The following PPP6R2 variants were observed in gnomAD, a reference collection of about 807,000 sequenced individuals.
The protein encoded by PPP6R2 is protein phosphatase 6 regulatory subunit 2.
A neutral mutation model predicts 100.2 loss-of-function variants in PPP6R2; 62 were observed. The observed-to-expected ratio is 0.62, with a 90% CI of 0.50 to 0.76. The LOEUF (loss-of-function observed/expected upper bound fraction) is 0.76, where lower values mean the gene tolerates loss of function less well. Ranked by LOEUF, PPP6R2 falls within the 30% of genes least tolerant of loss-of-function variation. The probability of loss-of-function intolerance (pLI) is 0.00; values close to 1 mark genes in which losing one functional copy is unlikely to be tolerated. For missense variants in PPP6R2, 1,142 were observed against 1,276.3 expected, an observed-to-expected ratio of 0.89 and a Z score of 1.60; for synonymous variants, 525 against 514.7, an observed-to-expected ratio of 1.02 and a Z score of -0.27.
intron 22 of PPP6R2, chr22:50,443,665 T>C (rs2066381380): frequency 3.0e-6 from 2 of 668,860 alleles, no homozygotes; most frequent in South Asian, 2.0e-5. Flanking sequence ...AGGCAGCTTG[T>C]CCCAGTACTT....
intron 2 of PPP6R2, chr22:50,392,044 A>G (rs1199781188): frequency 6.6e-6 from 1 of 151,880 alleles, no homozygotes; most frequent in African/African-American, 2.4e-5. Context: ...AGTGCATTTC[A>G]GAGAGAGGAG....
In PPP6R2 at chr22:50,438,608, C is replaced by T. The variant is rs143086244; in HGVS notation, c.1974C>T (p.Ala658=). Residue 658 remains alanine (A), a synonymous_variant, in exon 19 of 24, where the codon GCC becomes GCT. Coordinates refer to ENST00000612753, the MANE Select transcript of PPP6R2 (RefSeq NM_001242898.2). ...ARVMARPRFG[A]PHASESCSKN... ...TCTGAATCTCCCCCAGGTTTGGAGCCCCCCATGCTTCAGAGAGTTGCTCAA... is the reference window on the plus strand; with the variant it reads ...TCTGAATCTCCCCCAGGTTTGGAGCTCCCCATGCTTCAGAGAGTTGCTCAA... The T allele has an allele frequency of 1.9e-4, 305 of 1,613,892 alleles. No individual in the cohort carries two copies. The African/African-American group carries it at 3.3e-3, about 17-fold the overall frequency.
chr22:50,337,773 TGTGTGTGTGG>T, the PPP6R2 span, among the ~76,000 whole-genome samples: 1 of 139,136 alleles, frequency 7.2e-6, no homozygotes, highest in African/African-American at 2.7e-5. Context: ...ATGTGTATGG[TGTGTGTGTGG>T]GTGTGTGTGT....
intron 3 of PPP6R2, among the ~76,000 whole-genome samples, chr22:50,394,465 G>A (rs1274682999): frequency 6.6e-6 from 1 of 151,796 alleles, no homozygotes; most frequent in African/African-American, 2.4e-5. Flanking sequence ...CAGATGTGGT[G>A]TTGTAGACCT....
rs1603350869 is a variant in PPP6R2 at position 50,423,324 on chromosome 22, TCCCTGAGGAACCC to T, written c.973-135_973-123del. On this transcript the variant is annotated intron_variant, in intron 9 of 23. Transcript: ENST00000612753. The surrounding 1 kb of genome is among the most constrained non-coding windows in gnomAD (Gnocchi z 4.8). The stretch of plus-strand genomic sequence containing the variant: ...CTTCATTTCTTCTGGCAGACGGCCC[TCCCTGAGGAACCC>T]CCACCACATACCTCGCTACCCCAGG... 1.0e-5 allele frequency: 10 copies of T among 996,194 alleles called. No individual in the cohort carries two copies. Among genetic ancestry groups the T allele is most frequent in the Non-Finnish European group, 1.5e-5 (10 of 685,788 alleles). The allele number at this position is 996,194 out of a possible 1,614,324, so 61.7% of individuals were successfully genotyped here. A position where few individuals can be genotyped will look rare whatever the true frequency, so the allele number is the denominator to read the frequency against.
intron 1 of PPP6R2, among the ~76,000 whole-genome samples, chr22:50,365,574 G>C (rs956721617): frequency 6.6e-6 from 1 of 151,462 alleles, no homozygotes; most frequent in Admixed American, 6.6e-5. Context: ...AGCTACTCGG[G>C]AGGCTGAGGC....
intron 3 of PPP6R2, among the ~76,000 whole-genome samples, chr22:50,405,371 T>C (rs1237841670): frequency 1.7e-4 from 23 of 133,240 alleles, no homozygotes; most frequent in Non-Finnish European, 6.5e-5. Flanking sequence ...GTGAGAGGCC[T>C]GGAGAGAGGC....
chr22:50,375,647 C>T (rs2051336013), intron 2 of PPP6R2, among the ~76,000 whole-genome samples: 1 of 151,972 alleles, frequency 6.6e-6, no homozygotes, highest in South Asian at 2.1e-4. Flanking sequence ...AAACCTGTTC[C>T]TGAGAATTGT....
At chr22:50,436,947 G>C (rs2064436269) in intron 14 of PPP6R2, 41 bp from the exon 15 acceptor site, 1 of 1,519,940 alleles carries the variant, frequency 6.6e-7, no homozygotes, top group Non-Finnish European at 8.9e-7. Flanking sequence ...CTGGGGCGCT[G>C]GGCTGGCTCA....
chr22:50,339,060 G>C (rs1169056674), upstream of PPP6R2, among the ~76,000 whole-genome samples: 2 of 135,518 alleles, frequency 1.5e-5, no homozygotes, highest in African/African-American at 2.9e-5. Flanking sequence ...GTGTTATGTG[G>C]TGTGGTGTAT....
rs150413435 is a variant in PPP6R2 at position 50,443,949 on chromosome 22, C to T, written c.2663C>T (p.Pro888Leu). ...EVTAAPAVAV[P>L]PEATVAITTA... is the part of the protein sequence containing the mutation. Reference sequence around the variant, plus strand: ...ACTGCTGCCCCAGCCGTGGCTGTGCCCCCCGAGGCTACTGTGGCCATCACC... The same window carrying T: ...ACTGCTGCCCCAGCCGTGGCTGTGCTCCCCGAGGCTACTGTGGCCATCACC... Residue 888 changes from proline (P) to leucine (L), a missense_variant, in exon 23 of 24, where the codon CCC (proline) becomes CTC (leucine). Coordinates refer to ENST00000612753, the MANE Select transcript of PPP6R2 (RefSeq NM_001242898.2). The T allele has an allele frequency of 1.2e-6, 2 of 1,610,718 alleles. No homozygotes were observed. Among genetic ancestry groups the T allele is most frequent in the South Asian group, 1.1e-5 (1 of 90,656 alleles).
At chr22:50,337,248 TGTG>T in the PPP6R2 span, among the ~76,000 whole-genome samples, 2 of 136,852 alleles carry the variant, frequency 1.5e-5, no homozygotes, top group African/African-American at 5.8e-5. Flanking sequence ...GGTGTGTGTG[TGTG>T]GTGTGTGTGC....
chr22:50,383,966 A>G, intron 2 of PPP6R2, among the ~76,000 whole-genome samples: 1 of 142,272 alleles, frequency 7.0e-6, no homozygotes, highest in East Asian at 2.2e-4. Context: ...AACCCGGGAG[A>G]TGGTGGTTGC....
intron 4 of PPP6R2, among the ~76,000 whole-genome samples, chr22:50,412,761 C>A (rs2059943138): frequency 6.7e-6 from 1 of 149,318 alleles, no homozygotes; most frequent in Non-Finnish European, 1.5e-5. Flanking sequence ...CCTGCCTCAG[C>A]CTCCCGAGTA....
intron 1 of PPP6R2, among the ~76,000 whole-genome samples, chr22:50,351,038 T>TGTG (rs1243221129): frequency 1.5e-5 from 1 of 66,098 alleles, no homozygotes; most frequent in Non-Finnish European, 3.0e-5. Flanking sequence ...TTTTTTTTTT[T>TGTG]TTTTTTTTTT....
At chr22:50,337,375 TG>T in the PPP6R2 span, among the ~76,000 whole-genome samples, 2 of 135,990 alleles carry the variant, frequency 1.5e-5, no homozygotes, top group East Asian at 2.3e-4. Context: ...GTGTGCTGTG[TG>T]GGGGGTGTGT....
At chr22:50,330,904 T>A in the PPP6R2 span, among the ~76,000 whole-genome samples, 2 of 151,906 alleles carry the variant, frequency 1.3e-5, no homozygotes, top group Non-Finnish European at 1.5e-5. Flanking sequence ...GGCAAGGACA[T>A]AGATTTTCCC....
At chr22:50,375,778 A>G (rs1438326831) in intron 2 of PPP6R2, among the ~76,000 whole-genome samples, 2 of 150,226 alleles carry the variant, frequency 1.3e-5, no homozygotes, top group Admixed American at 6.7e-5. Context: ...GAACAAAGAT[A>G]AAACCTCTCT....
At chr22:50,432,045 T>C (rs2063242087) in intron 11 of PPP6R2, among the ~76,000 whole-genome samples, 1 of 152,032 alleles carries the variant, frequency 6.6e-6, no homozygotes, top group South Asian at 2.1e-4. Flanking sequence ...TTCTCGGGCT[T>C]CATCTTTAGG....
Sources: allele counts gnomAD v4.1 joint callset (sites outside exome capture counted in the v4.1 genomes callset), GRCh38; gene constraint gnomAD v4.1.1; non-coding constraint Gnocchi (gnomAD v3.1); transcripts MANE v1.5; gene names NCBI Gene and HGNC (gene_info 2026-07-23, HGNC 2026-07-21).